MYO3A: variants seen among roughly 807,000 people sequenced by gnomAD.
MYO3A encodes the protein myosin-IIIa.
MYO3A carries 180 observed loss-of-function variants against 192.7 expected under a neutral mutation model. The observed-to-expected ratio is 0.93, with a 90% confidence interval of 0.83 to 1.06. The LOEUF (loss-of-function observed/expected upper bound fraction) is 1.06. MYO3A is among the 50% of genes least tolerant of loss of function. The probability of loss-of-function intolerance (pLI) is 0.00; values close to 1 mark genes in which losing one functional copy is unlikely to be tolerated. For missense variants in MYO3A, 1,896 were observed against 1,905.0 expected, an observed-to-expected ratio of 1.00 and a Z score of 0.09; for synonymous variants, 628 against 645.3, an observed-to-expected ratio of 0.97 and a Z score of 0.41.
intron 6 of MYO3A, 95 bp downstream of exon 6, chr10:25,997,353 G>T: frequency 1.1e-6 from 1 of 928,074 alleles, no homozygotes. Context: ...TCTAGGTATT[G>T]GAAATAGAGG....
chr10:26,126,420 A>G (rs1191983464), intron 19 of MYO3A, among the ~76,000 whole-genome samples: 1 of 152,132 alleles, frequency 6.6e-6, no homozygotes, highest in African/African-American at 2.4e-5. Flanking sequence ...TTTTTTCACT[A>G]AAATACATAC....
At chr10:26,142,607 G>A (rs1440547678) in intron 20 of MYO3A, among the ~76,000 whole-genome samples, 1 of 152,156 alleles carries the variant, frequency 6.6e-6, no homozygotes, top group Non-Finnish European at 1.5e-5. Flanking sequence ...CCATTTAATA[G>A]ATTAGAAAAT....
At chr10:25,935,274 TC>T (rs1835983204) in intron 1 of MYO3A, among the ~76,000 whole-genome samples, 1 of 152,212 alleles carries the variant, frequency 6.6e-6, no homozygotes, top group Admixed American at 6.5e-5. Flanking sequence ...ACAGCTCTGT[TC>T]TGTTCTCCAA....
At chr10:26,049,673 C>CTTTTTTT (rs66467075) in intron 10 of MYO3A, among the ~76,000 whole-genome samples, 23 of 69,116 alleles carry the variant, frequency 3.3e-4, no homozygotes, top group African/African-American at 6.2e-4. Context: ...TTCTTTCTTT[C>CTTTTTTT]TTTTTTTTTT....
intron 10 of MYO3A, among the ~76,000 whole-genome samples, chr10:26,048,632 T>C (rs1242595450): frequency 6.6e-6 from 1 of 152,136 alleles, no homozygotes; most frequent in East Asian, 1.9e-4. Flanking sequence ...ATAGATGTTG[T>C]TCCCTGTCCA....
chr10:26,120,536 A>G, intron 17 of MYO3A, 140 bp from the exon 18 acceptor site: 1 of 1,086,730 alleles, frequency 9.2e-7, no homozygotes, highest in Non-Finnish European at 1.4e-6. Context: ...GCCTACTTGG[A>G]TCTCAGTGTG....
At chr10:26,024,687 C>T (rs1842461602) in intron 9 of MYO3A, among the ~76,000 whole-genome samples, 1 of 152,162 alleles carries the variant, frequency 6.6e-6, no homozygotes, top group Non-Finnish European at 1.5e-5. Context: ...TTAGCATTTG[C>T]TTGTCTGAAA....
At chr10:26,067,735 C>T (rs1306643502) in intron 11 of MYO3A, among the ~76,000 whole-genome samples, 3 of 152,156 alleles carry the variant, frequency 2.0e-5, no homozygotes, top group Admixed American at 1.3e-4. Context: ...AGCCTACTTT[C>T]CCCTCACCCT....
intron 10 of MYO3A, among the ~76,000 whole-genome samples, chr10:26,054,079 G>T (rs948918632): frequency 1.7e-4 from 26 of 152,272 alleles, no homozygotes; most frequent in African/African-American, 6.0e-4. Context: ...CACACTGTTA[G>T]GAGATACGGT....
At chr10:26,160,056 T>C (rs1841405744) in intron 26 of MYO3A, among the ~76,000 whole-genome samples, 1 of 152,126 alleles carries the variant, frequency 6.6e-6, no homozygotes, top group Non-Finnish European at 1.5e-5. Context: ...GACCTTATTA[T>C]CATGCACTTC....
intron 14 of MYO3A, among the ~76,000 whole-genome samples, chr10:26,070,939 T>C (rs1835167141): frequency 6.6e-6 from 1 of 152,088 alleles, no homozygotes. Flanking sequence ...GATCATGGAT[T>C]AAGTGACTCC....
chr10:26,163,870 C>T (rs548226484), intron 26 of MYO3A, among the ~76,000 whole-genome samples: 2 of 152,084 alleles, frequency 1.3e-5, no homozygotes, highest in African/African-American at 4.8e-5. Flanking sequence ...AGAACACTAG[C>T]GTTTAAGCAA....
chr10:26,113,159 TACTC>T (rs1838293671), intron 17 of MYO3A, among the ~76,000 whole-genome samples: 1 of 152,134 alleles, frequency 6.6e-6, no homozygotes, highest in South Asian at 2.1e-4. Context: ...TTCCATGAAA[TACTC>T]ACTTCATTTT....
chr10:26,140,862 T>C (rs1373424027), intron 20 of MYO3A, among the ~76,000 whole-genome samples: 2 of 152,162 alleles, frequency 1.3e-5, no homozygotes, highest in African/African-American at 4.8e-5. Flanking sequence ...GCTAAACACT[T>C]CAGCTTTAAT....
At chr10:26,139,644 C>T (rs930648465) in intron 20 of MYO3A, among the ~76,000 whole-genome samples, 18 of 152,286 alleles carry the variant, frequency 1.2e-4, no homozygotes, top group Middle Eastern at 6.8e-3. Flanking sequence ...ATAATCCCAG[C>T]ACTTTGGGAG....
intron 10 of MYO3A, among the ~76,000 whole-genome samples, chr10:26,030,216 C>T (rs886732307): frequency 6.6e-6 from 1 of 152,168 alleles, no homozygotes; most frequent in African/African-American, 2.4e-5. Context: ...TGGTGCCAGA[C>T]TTTGAATCAG....
intron 17 of MYO3A, among the ~76,000 whole-genome samples, chr10:26,097,748 G>A (rs913722542): frequency 6.6e-6 from 1 of 152,158 alleles, no homozygotes; most frequent in East Asian, 1.9e-4. Context: ...AGTATTCCAT[G>A]CTGTATATGT....
chr10:25,973,360 A>G (rs1181368611), intron 4 of MYO3A, among the ~76,000 whole-genome samples: 1 of 152,164 alleles, frequency 6.6e-6, no homozygotes, highest in Non-Finnish European at 1.5e-5. Flanking sequence ...GAAGTTATTT[A>G]TCAGCTTAAG....
chr10:26,164,008 A>G (rs1299342814), intron 26 of MYO3A, among the ~76,000 whole-genome samples: 1 of 152,210 alleles, frequency 6.6e-6, no homozygotes, highest in Non-Finnish European at 1.5e-5. Flanking sequence ...GTGCTGCAGA[A>G]AAAACGCTTA....
Sources: allele counts gnomAD v4.1 joint callset (sites outside exome capture counted in the v4.1 genomes callset), GRCh38; gene constraint gnomAD v4.1.1; transcripts MANE v1.5; gene names NCBI Gene and HGNC (gene_info 2026-07-23, HGNC 2026-07-21).